LRIF1: variants seen among roughly 807,000 people sequenced by gnomAD.
The protein encoded by LRIF1 is ligand-dependent nuclear receptor-interacting factor 1.
A neutral mutation model predicts 52.7 loss-of-function variants in LRIF1; 32 were observed. The observed-to-expected ratio is 0.61, with a 90% CI of 0.46 to 0.82. LRIF1 has a LOEUF of 0.82. Among genes scored for constraint, LRIF1 ranks in the 40% least tolerant of loss-of-function variants. LRIF1 has a pLI of 0.00. For synonymous variants in LRIF1, 323 were observed against 317.4 expected, an observed-to-expected ratio of 1.02 and a Z score of -0.19; for missense variants, 887 against 892.0, an observed-to-expected ratio of 0.99 and a Z score of 0.07.
the LRIF1 span, among the ~76,000 whole-genome samples, chr1:110,886,125 A>G: frequency 6.6e-6 from 1 of 152,030 alleles, no homozygotes; most frequent in Non-Finnish European, 1.5e-5. Flanking sequence ...TTTATTGGGT[A>G]TAGATTTTTA....
chr1:110,909,005 A>G, the LRIF1 span, among the ~76,000 whole-genome samples: 466 of 152,262 alleles, frequency 3.1e-3, no homozygotes, highest in Non-Finnish European at 4.4e-3. Flanking sequence ...CAGGTCATGT[A>G]CAAGGGCTAA....
the LRIF1 span, among the ~76,000 whole-genome samples, chr1:110,934,015 G>T: frequency 2.0e-5 from 3 of 152,092 alleles, no homozygotes; most frequent in African/African-American, 7.2e-5. Flanking sequence ...ACAGAAGGAT[G>T]GGGCACAGGT....
chr1:110,880,695 A>C, the LRIF1 span, among the ~76,000 whole-genome samples: 1 of 152,190 alleles, frequency 6.6e-6, no homozygotes, highest in East Asian at 1.9e-4. Flanking sequence ...ATTCCACTAC[A>C]TCAGATAATT....
chr1:110,945,384 C>T (rs948903129), downstream of LRIF1, among the ~76,000 whole-genome samples: 1 of 151,784 alleles, frequency 6.6e-6, no homozygotes, highest in African/African-American at 2.4e-5. Context: ...TTGCCCTTCC[C>T]TCCCCCTCTT....
intron 1 of LRIF1, among the ~76,000 whole-genome samples, chr1:110,954,722 G>A (rs946272900): frequency 6.6e-6 from 1 of 152,100 alleles, no homozygotes; most frequent in Non-Finnish European, 1.5e-5. Context: ...AGGCTCATCA[G>A]GAAAAAAGGG....
At chr1:110,940,940 A>G in the LRIF1 span, 2 of 152,124 alleles carry the variant, frequency 1.3e-5, no homozygotes, top group African/African-American at 4.8e-5. Flanking sequence ...CTAGTCAACA[A>G]TAAGTTGATT....
chr1:110,954,548 C>T (rs554624275), intron 1 of LRIF1, among the ~76,000 whole-genome samples: 12 of 152,072 alleles, frequency 7.9e-5, no homozygotes, highest in Admixed American at 5.9e-4. Context: ...GAGAATAAAC[C>T]CAAAGAAAAG....
intron 1 of LRIF1, among the ~76,000 whole-genome samples, chr1:110,962,167 C>T (rs945574452): frequency 3.3e-5 from 5 of 151,232 alleles, no homozygotes; most frequent in Admixed American, 2.0e-4. Flanking sequence ...ATAAATTAAG[C>T]TAAGTCAGAA....
At chr1:110,910,799 A>C in the LRIF1 span, among the ~76,000 whole-genome samples, 1 of 152,258 alleles carries the variant, frequency 6.6e-6, no homozygotes, top group Non-Finnish European at 1.5e-5. Context: ...AGTTCTTTGA[A>C]ATGAATGAAA....
chr1:110,915,338 A>C, the LRIF1 span, among the ~76,000 whole-genome samples: 2 of 150,346 alleles, frequency 1.3e-5, no homozygotes, highest in African/African-American at 4.9e-5. Context: ...AGAAAAAAAC[A>C]TTAGCCGGGC....
At position 110,948,183 on chromosome 1, in the gene LRIF1, C is replaced by A; in HGVS notation, c.2086G>T (p.Glu696Ter). 2 of 1,614,036 alleles carry A rather than the reference C, an allele frequency of 1.2e-6. No homozygotes were observed. The highest frequency in any genetic ancestry group is 1.7e-6 in the Non-Finnish European group (2 of 1,179,982). ...TCTTGCTTCTCATGGGTATAGTATT[C>A]CATCTCAGTTCTCTTTTCTTGTCTG... ...KTRQEKRTEM[E>*]YYTHEKQEKG... The change falls in exon 4 of 4, where the codon GAA (glutamate) becomes TAA (stop). Residue 696 changes from glutamate (E) to a stop codon, truncating the protein, a stop_gained. Coordinates refer to ENST00000369763, the MANE Select transcript of LRIF1 (RefSeq NM_018372.4). LOFTEE classifies it high-confidence loss of function.
At chr1:110,946,978 G>C (rs1226400433), downstream of LRIF1, among the ~76,000 whole-genome samples, 1 of 151,774 alleles carries the variant, frequency 6.6e-6, no homozygotes, top group Non-Finnish European at 1.5e-5. Flanking sequence ...TAATAACATT[G>C]TTCTCCTCCT....
chr1:110,920,695 G>A, the LRIF1 span, among the ~76,000 whole-genome samples: 2 of 152,140 alleles, frequency 1.3e-5, no homozygotes, highest in South Asian at 4.1e-4. Context: ...GGGTGATAAC[G>A]ATGTGTTAGT....
At chr1:110,907,676 G>A in the LRIF1 span, among the ~76,000 whole-genome samples, 562 of 152,312 alleles carry the variant, frequency 3.7e-3, 2 homozygotes, top group Admixed American at 0.015. Flanking sequence ...AGAGGTTGCA[G>A]TGAGCCGAGA....
At chr1:110,898,471 C>T in the LRIF1 span, among the ~76,000 whole-genome samples, 1 of 151,730 alleles carries the variant, frequency 6.6e-6, no homozygotes, top group South Asian at 2.1e-4. Flanking sequence ...AAAAAAGCCA[C>T]CAAGCAGAAT....
the LRIF1 span, chr1:110,942,159 C>T: frequency 6.6e-6 from 1 of 152,054 alleles, no homozygotes; most frequent in African/African-American, 2.4e-5. Context: ...CAATACTTTG[C>T]AACTAAGAAC....
the LRIF1 span, chr1:110,896,842 C>T: frequency 2.2e-6 from 2 of 928,748 alleles, no homozygotes; most frequent in Non-Finnish European, 3.3e-6. Flanking sequence ...AAACAGGGGA[C>T]CTTGAATAAA....
At chr1:110,954,254 G>C (rs963768642) in intron 1 of LRIF1, among the ~76,000 whole-genome samples, 1 of 152,126 alleles carries the variant, frequency 6.6e-6, no homozygotes, top group African/African-American at 2.4e-5. Flanking sequence ...GGACACGTGA[G>C]AGTGGGTCAA....
chr1:110,874,985 T>A, the LRIF1 span, among the ~76,000 whole-genome samples: 1 of 152,184 alleles, frequency 6.6e-6, no homozygotes, highest in African/African-American at 2.4e-5. Flanking sequence ...TTATTATGGA[T>A]GACAGTCACA....
Sources: gnomAD v4.1 joint callset for allele counts (sites outside exome capture counted in the v4.1 genomes callset) on GRCh38, gnomAD v4.1.1 for gene constraint, MANE v1.5 for transcripts, NCBI Gene and HGNC (gene_info 2026-07-23, HGNC 2026-07-21) for gene names.